HSPA5: variants seen among roughly 807,000 people sequenced by gnomAD.
The protein encoded by HSPA5 is endoplasmic reticulum chaperone BiP.
In HSPA5, 16 loss-of-function variants were observed where a neutral mutation model predicts 49.5. The ratio of observed to expected loss-of-function variants is 0.32; its 90% CI spans 0.22 to 0.49. The LOEUF (loss-of-function observed/expected upper bound fraction) is 0.49, where lower values mean the gene tolerates loss of function less well. HSPA5 is among the 20% of genes least tolerant of loss of function. The probability of loss-of-function intolerance (pLI) is 0.99; values close to 1 mark genes in which losing one functional copy is unlikely to be tolerated. For missense variants in HSPA5, 376 were observed against 819.0 expected (o/e 0.46, Z 6.60); for synonymous variants, 271 against 307.2 (o/e 0.88, Z 1.23).
At chr9:125,238,078 G>A (rs1832519943) in intron 7 of HSPA5, 63 bp downstream of exon 7, 2 of 1,344,002 alleles carry the variant, frequency 1.5e-6, no homozygotes, top group Non-Finnish European at 2.1e-6. Context: ...GTCCAGCCTG[G>A]GCAACAGAGC....
At position 125,236,205 on chromosome 9, in the gene HSPA5, A is replaced by T. The variant is rs1832492017; in HGVS notation, c.*387T>A. The T allele has an allele frequency of 5.8e-6, 1 of 171,374 alleles. No individual in the cohort carries two copies. The allele number at this position is 171,374 out of a possible 1,614,324, so 10.6% of individuals were successfully genotyped here. A position where few individuals can be genotyped will look rare whatever the true frequency, so the allele number is the denominator to read the frequency against. ...TAGTCTTAAATTTCCTAAAATAAGT[A>T]ATTGATCTAATTAGAAGCTTCTCAC... On this transcript the variant is annotated 3_prime_UTR_variant, in exon 8 of 8. Coordinates refer to ENST00000324460, the MANE Select transcript of HSPA5 (RefSeq NM_005347.5).
Position 125,240,380 on chromosome 9 carries a change from T to A in HSPA5, c.355-71A>T, listed in dbSNP as rs1053205630. ...TCAAAGTTTAAAAGACCCACTACCA[T>A]CCCCACAATTTGGTTTATTTTGGTC... is the stretch of plus-strand genomic sequence containing the variant. On this transcript the variant is annotated intron_variant, in intron 2 of 7. Coordinates refer to ENST00000324460, the MANE Select transcript of HSPA5 (RefSeq NM_005347.5). This position sits in a 1 kb window ranked among gnomAD's most constrained non-coding sequence, Gnocchi z 4.4. 2.9e-6 allele frequency: 4 copies of A among 1,386,304 alleles called. No individual in the cohort carries two copies. The highest frequency in any genetic ancestry group is 3.0e-6 in the Non-Finnish European group (3 of 1,005,152). The allele number at this position is 1,386,304 out of a possible 1,614,324, so 85.9% of individuals were successfully genotyped here. A position where few individuals can be genotyped will look rare whatever the true frequency, so the allele number is the denominator to read the frequency against.
chr9:125,235,734 C>T lies in HSPA5; in HGVS notation c.*858G>A, dbSNP rs979643791. On this transcript the variant is annotated 3_prime_UTR_variant, in exon 8 of 8. Transcript: ENST00000324460. ...AGGGTTCACAATATACCTTTACATC[C>T]TAAAGTTACAAATGAAATCCAAGTG... The T allele has an allele frequency of 2.6e-5, 4 of 151,988 alleles. No homozygotes were observed. The highest frequency in any genetic ancestry group is 9.7e-5 in the African/African-American group (4 of 41,376). 9.4% of individuals were successfully genotyped at this position (151,988 alleles called of 1,614,324 possible).
chr9:125,235,829 T>A lies in HSPA5; in HGVS notation c.*763A>T, dbSNP rs992347466. On this transcript the variant is annotated 3_prime_UTR_variant, in exon 8 of 8. Transcript: ENST00000324460. Reference sequence around the variant, plus strand: ...GAGAATCCAAGCAGCTATAAAAGCATCATTAGTAATAATTTTAAAAAAAGC... The same window carrying A: ...GAGAATCCAAGCAGCTATAAAAGCAACATTAGTAATAATTTTAAAAAAAGC... 7 of 152,062 alleles carry A rather than the reference T, an allele frequency of 4.6e-5. No individual in the cohort carries two copies. The highest frequency in any genetic ancestry group is 2.1e-4 in the South Asian group (1 of 4,824). The allele number at this position is 152,062 out of a possible 1,614,324, so 9.4% of individuals were successfully genotyped here.
At position 125,241,162 on chromosome 9, in the gene HSPA5, CCACAGGCCGTAG is replaced by C. The variant is rs768309492; in HGVS notation, c.-48_-37del. 2 of 1,599,378 alleles carry C rather than the reference CCACAGGCCGTAG, an allele frequency of 1.3e-6. No individual in the cohort carries two copies. Among genetic ancestry groups the C allele is most frequent in the East Asian group, 4.5e-5 (2 of 44,832 alleles). ...AGTTGGGCAGCAGCAGGCAGTCCAG[CCACAGGCCGTAG>C]CACAGGAGCACAGCGCAATTTCCGA... is the stretch of plus-strand genomic sequence containing the variant. On this transcript the variant is annotated 5_prime_UTR_variant, in exon 1 of 8. Transcript: ENST00000324460.
At position 125,238,809 on chromosome 9, in the gene HSPA5, T is replaced by C. The variant is rs1370988503; in HGVS notation, c.1015A>G (p.Met339Val). 6 of 1,614,170 alleles carry C rather than the reference T, an allele frequency of 3.7e-6. No homozygotes were observed. Among genetic ancestry groups the C allele is most frequent in the African/African-American group, 1.3e-5 (1 of 75,044 alleles). ...TCCAACACTTTCTGGACGGGCTTCA[T>C]AGTAGACCGGAACAGATCCTAGAAA... ...ELNMDLFRST[M>V]KPVQKVLEDS... is the part of the protein sequence containing the mutation. The change falls in exon 6 of 8, where the codon ATG becomes GTG. Residue 339 changes from methionine to valine, a missense_variant. By Grantham distance (21) the Met-to-Val change is conservative. Coordinates refer to ENST00000324460, the MANE Select transcript of HSPA5 (RefSeq NM_005347.5).
chr9:125,240,555 A>G lies in HSPA5; in HGVS notation c.354+121T>C. 3 of 809,314 alleles carry G rather than the reference A, an allele frequency of 3.7e-6. No homozygotes were observed. The highest frequency in any genetic ancestry group is 4.0e-6 in the Non-Finnish European group (2 of 498,242). The allele number at this position is 809,314 out of a possible 1,614,324, so 50.1% of individuals were successfully genotyped here. ...GTAACATACTAATAGTATTAAAGTT[A>G]TTACATACATCATGTCTATAACCTT... On this transcript the variant is annotated intron_variant, in intron 2 of 7. Coordinates refer to ENST00000324460, the MANE Select transcript of HSPA5 (RefSeq NM_005347.5). This position sits in a 1 kb window ranked among gnomAD's most constrained non-coding sequence, Gnocchi z 4.4.
rs1304459090 is a variant in HSPA5 at position 125,240,968 on chromosome 9, CCA to C, written c.122+35_122+36del. 6.2e-7 allele frequency: 1 copy of C among 1,611,330 alleles called. No homozygotes were observed. Among genetic ancestry groups the C allele is most frequent in the Non-Finnish European group, 8.5e-7 (1 of 1,178,174 alleles). On this transcript the variant is annotated intron_variant, in intron 1 of 7. Transcript: ENST00000324460. The surrounding 1 kb of genome is among the most constrained non-coding windows in gnomAD (Gnocchi z 4.4). ...GCACTTCTCACGCCAGGCCAGGCGG[CCA>C]CGCCCCGTCCCCCTGCATCCGCAAC...
rs542802064 is a variant in HSPA5, at chr9:125,238,819, G to A, written c.1005C>T (p.Phe335=). 2 of 1,613,470 alleles carry A rather than the reference G, an allele frequency of 1.2e-6. No homozygotes were observed. Among genetic ancestry groups the A allele is most frequent in the South Asian group, 2.2e-5 (2 of 91,070 alleles). The change falls in exon 6 of 8, where the codon TTC becomes TTT. Residue 335 remains phenylalanine, a synonymous_variant. Coordinates refer to ENST00000324460, the MANE Select transcript of HSPA5 (RefSeq NM_005347.5). ...AKFEELNMDL[F]RSTMKPVQKV... is the part of the protein sequence containing the mutation. ...TCTGGACGGGCTTCATAGTAGACCG[G>A]AACAGATCCTAGAAAAAAGACATGG...
chr9:125,240,684 G>A lies in HSPA5; in HGVS notation c.346C>T (p.Pro116Ser), dbSNP rs1832553741. 6.2e-7 allele frequency: 1 copy of A among 1,611,784 alleles called. No individual in the cohort carries two copies. Among genetic ancestry groups the A allele is most frequent in the African/African-American group, 1.3e-5 (1 of 74,874 alleles). Residue 116 changes from proline (P) to serine (S), a missense_variant, in exon 2 of 8, where the codon CCG (proline) becomes TCG (serine). Physicochemically the swap from Pro to Ser is moderately conservative, Grantham distance 74. This residue lies in a region of HSPA5 where 89 missense variants were observed against 200.0 expected (regional missense o/e 0.44). Transcript: ENST00000324460. The surrounding 1 kb of genome is among the most constrained non-coding windows in gnomAD (Gnocchi z 4.4). ...GAAAAACCCGGTCGAACCTTGAACG[G>A]CAAGAACTTGATGTCCTGCTGCACA... ...PSVQQDIKFL[P>S]FKVVEKKTKP...
At position 125,240,448 on chromosome 9, in the gene HSPA5, G is replaced by A. The variant is rs1448143337; in HGVS notation, c.355-139C>T. On this transcript the variant is annotated intron_variant, in intron 2 of 7. Coordinates refer to ENST00000324460, the MANE Select transcript of HSPA5 (RefSeq NM_005347.5). The surrounding 1 kb of genome is among the most constrained non-coding windows in gnomAD (Gnocchi z 4.4). ...GACTAGAAATACTTCAGGGAGTATAGGTGTCTTACAAAGTTCAGTTTTAAT... is the reference window on the plus strand; with the variant it reads ...GACTAGAAATACTTCAGGGAGTATAAGTGTCTTACAAAGTTCAGTTTTAAT... The A allele has an allele frequency of 1.3e-6, 1 of 785,740 alleles. No homozygotes were observed. Among genetic ancestry groups the A allele is most frequent in the Non-Finnish European group, 2.0e-6 (1 of 491,092 alleles). The allele number at this position is 785,740 out of a possible 1,614,324, so 48.7% of individuals were successfully genotyped here.
In HSPA5 at chr9:125,240,687, AG is replaced by A; in HGVS notation, c.342del (p.Leu115CysfsTer39). Reference protein sequence around the residue: ...NDPSVQQDIKFLPFKVVEKKT... With the variant: ...NDPSVQQDIKXLPFKVVEKKT... ...AAACCCGGTCGAACCTTGAACGGCAAGAACTTGATGTCCTGCTGCACAGACG... is the reference window on the plus strand; with the variant it reads ...AAACCCGGTCGAACCTTGAACGGCAAAACTTGATGTCCTGCTGCACAGACG... On this transcript the variant is annotated frameshift_variant, in exon 2 of 8. Coordinates refer to ENST00000324460, the MANE Select transcript of HSPA5 (RefSeq NM_005347.5). LOFTEE classifies it high-confidence loss of function. The surrounding 1 kb of genome is among the most constrained non-coding windows in gnomAD (Gnocchi z 4.4). The A allele has an allele frequency of 6.2e-7, 1 of 1,612,336 alleles. No homozygotes were observed. Among genetic ancestry groups the A allele is most frequent in the Non-Finnish European group, 8.5e-7 (1 of 1,178,472 alleles).
Position 125,240,667 on chromosome 9 carries a change from C to A in HSPA5, c.354+9G>T. 6.2e-7 allele frequency: 1 copy of A among 1,607,082 alleles called. No individual in the cohort carries two copies. Among genetic ancestry groups the A allele is most frequent in the South Asian group, 1.1e-5 (1 of 91,006 alleles). ...GTTCTCTAACTGGATGAGAAAAACC[C>A]GGTCGAACCTTGAACGGCAAGAACT... is the stretch of plus-strand genomic sequence containing the variant. On this transcript the variant is annotated intron_variant, in intron 2 of 7. Coordinates refer to ENST00000324460, the MANE Select transcript of HSPA5 (RefSeq NM_005347.5). This position sits in a 1 kb window ranked among gnomAD's most constrained non-coding sequence, Gnocchi z 4.4.
chr9:125,234,871 A>G lies in HSPA5; in HGVS notation c.*1721T>C, dbSNP rs1832465510. The G allele has an allele frequency of 6.6e-6, 1 of 152,084 alleles. No homozygotes were observed. The highest frequency in any genetic ancestry group is 2.4e-5 in the African/African-American group (1 of 41,418). The allele number at this position is 152,084 out of a possible 1,614,324, so 9.4% of individuals were successfully genotyped here. A position where few individuals can be genotyped will look rare whatever the true frequency, so the allele number is the denominator to read the frequency against. On this transcript the variant is annotated 3_prime_UTR_variant, in exon 8 of 8. Coordinates refer to ENST00000324460, the MANE Select transcript of HSPA5 (RefSeq NM_005347.5). Reference sequence around the variant, plus strand: ...CACATAGTTGAAGTCTATCTTTTTAATATTCAGTAACAGCTCCTCAGAAAG... The same window carrying G: ...CACATAGTTGAAGTCTATCTTTTTAGTATTCAGTAACAGCTCCTCAGAAAG...
chr9:125,238,891 T>C (rs765987586), intron 5 of HSPA5, 50 bp downstream of exon 5: 10 of 1,606,918 alleles, frequency 6.2e-6, no homozygotes, highest in Non-Finnish European at 8.5e-6. Flanking sequence ...ATGTCCTGAA[T>C]TCAGAGTCTA....
In HSPA5 at chr9:125,238,576, C is replaced by T. The variant is rs766744805; in HGVS notation, c.1234+14G>A. 6 of 1,584,206 alleles carry T rather than the reference C, an allele frequency of 3.8e-6. No individual in the cohort carries two copies. The highest frequency in any genetic ancestry group is 3.3e-5 in the Admixed American group (2 of 59,810). ...TACTGAATCACTAAGAAAGATGCTG[C>T]GATGATGACCTACCTGTATCTTGAT... On this transcript the variant is annotated intron_variant, in intron 6 of 7. Transcript: ENST00000324460.
Position 125,238,938 on chromosome 9 carries a change from T to C in HSPA5, c.996+3A>G, listed in dbSNP as rs1166845873. 1 of 1,606,922 alleles carries C rather than the reference T, an allele frequency of 6.2e-7. No individual in the cohort carries two copies. Among genetic ancestry groups the C allele is most frequent in the African/African-American group, 1.3e-5 (1 of 74,454 alleles). ...TTAGCAAAGCAGAAAACAAGGAACA[T>C]ACCATGTTGAGCTCTTCAAATTTGG... On this transcript the variant is annotated splice_donor_region_variant and intron_variant, in intron 5 of 7. Coordinates refer to ENST00000324460, the MANE Select transcript of HSPA5 (RefSeq NM_005347.5).
chr9:125,241,192 A>G lies in HSPA5; in HGVS notation c.-66T>C, dbSNP rs2131455547. The G allele has an allele frequency of 6.5e-7, 1 of 1,542,174 alleles. No homozygotes were observed. Among genetic ancestry groups the G allele is most frequent in the East Asian group, 2.3e-5 (1 of 44,118 alleles). On this transcript the variant is annotated 5_prime_UTR_variant, in exon 1 of 8. Coordinates refer to ENST00000324460, the MANE Select transcript of HSPA5 (RefSeq NM_005347.5). ...GGCCGTAGCACAGGAGCACAGCGCA[A>G]TTTCCGACTTGCAGGCGGCAGGGGC...
chr9:125,237,598 C>T (rs1768753250), intron 7 of HSPA5, among the ~76,000 whole-genome samples: 1 of 151,494 alleles, frequency 6.6e-6, no homozygotes, highest in South Asian at 2.1e-4. Flanking sequence ...CACCTGTAAT[C>T]CCAGCTATTC....
Sources: gnomAD v4.1 joint callset for allele counts (sites outside exome capture counted in the v4.1 genomes callset) on GRCh38, gnomAD v4.1.1 for gene constraint, gnomAD v4.1.1 regional missense constraint, Gnocchi (gnomAD v3.1) non-coding constraint, MANE v1.5 for transcripts, NCBI Gene and HGNC (gene_info 2026-07-23, HGNC 2026-07-21) for gene names.